Variants in RUSC2 observed in about 807,000 individuals in gnomAD.
The protein encoded by RUSC2 is AP-4 complex accessory subunit RUSC2.
Under a neutral mutation model 122.2 loss-of-function variants are expected in RUSC2, and 34 were observed. The ratio of observed to expected loss-of-function variants is 0.28; its 90% CI spans 0.21 to 0.37. The LOEUF is 0.37. Among genes scored for constraint, RUSC2 ranks in the 10% least tolerant of loss-of-function variants. The pLI is 1.00. For synonymous variants in RUSC2, 784 were observed against 790.0 expected (o/e 0.99, Z 0.13); for missense variants, 1,747 against 1,952.4 (o/e 0.89, Z 1.98).
In RUSC2 at chr9:35,558,749, C is replaced by T. The variant is rs1822079375; in HGVS notation, c.3341+182C>T. Among the ~76,000 whole-genome samples, 1 of 152,260 alleles carries T rather than the reference C, an allele frequency of 6.6e-6. No individual in the cohort carries two copies. The highest frequency in any genetic ancestry group is 2.4e-5 in the African/African-American group (1 of 41,464). On this transcript the variant is annotated intron_variant, in intron 8 of 11. Coordinates refer to ENST00000361226, the MANE Select transcript of RUSC2 (RefSeq NM_014806.5). This position sits in a 1 kb window ranked among gnomAD's most constrained non-coding sequence, Gnocchi z 4.3. ...CCCCACTGTGCCCATGACTCTGTCA[C>T]TGGTCACCAACGTGGTCTGCTTTTA...
chr9:35,527,099 CAACTTT>C (rs1821338805), intron 1 of RUSC2, among the ~76,000 whole-genome samples: 1 of 151,506 alleles, frequency 6.6e-6, no homozygotes, highest in Admixed American at 6.6e-5. Flanking sequence ...TTTCTCACTT[CAACTTT>C]GTCTTTTCTG....
At chr9:35,510,339 C>T (rs1406482702) in intron 1 of RUSC2, among the ~76,000 whole-genome samples, 1 of 152,116 alleles carries the variant, frequency 6.6e-6, no homozygotes, top group East Asian at 1.9e-4. Context: ...TAGTGAGACC[C>T]CGTCTCTACA....
In RUSC2 at chr9:35,555,179, G is replaced by T; in HGVS notation, c.2134G>T (p.Ala712Ser). 8 of 1,613,530 alleles carry T rather than the reference G, an allele frequency of 5.0e-6. No homozygotes were observed. The highest frequency in any genetic ancestry group is 6.8e-6 in the Non-Finnish European group (8 of 1,180,014). ...HFPKQLAKAR[A>S]LHSLSQLYSL... is the part of the protein sequence containing the mutation. Reference sequence around the variant, plus strand: ...CCCCAAGCAGCTGGCCAAGGCCCGGGCCCTCCACAGCCTTTCCCAGCTCTA... The same window carrying T: ...CCCCAAGCAGCTGGCCAAGGCCCGGTCCCTCCACAGCCTTTCCCAGCTCTA... The change falls in exon 3 of 12, where the codon GCC (alanine) becomes TCC (serine). Residue 712 changes from alanine to serine, a missense_variant. Ala to Ser is a moderately conservative substitution (Grantham distance 99). Coordinates refer to ENST00000361226, the MANE Select transcript of RUSC2 (RefSeq NM_014806.5). The surrounding 1 kb of genome is among the most constrained non-coding windows in gnomAD (Gnocchi z 4.6).
Position 35,547,362 on chromosome 9 carries a change from C to A in RUSC2, c.841C>A (p.Leu281Met), listed in dbSNP as rs755916660. Reference sequence around the variant, plus strand: ...CTCCTGCAACAGTTCAGATGGTGTGCTGGTCACCTTCAGCACCCTCTACAA... The same window carrying A: ...CTCCTGCAACAGTTCAGATGGTGTGATGGTCACCTTCAGCACCCTCTACAA... ...DSSCNSSDGV[L>M]VTFSTLYNKM... Residue 281 changes from leucine (L) to methionine (M), a missense_variant, in exon 2 of 12, where the codon CTG becomes ATG. Physicochemically the swap from Leu to Met is conservative, Grantham distance 15. Transcript: ENST00000361226. The surrounding 1 kb of genome is among the most constrained non-coding windows in gnomAD (Gnocchi z 4.6). 7 of 1,614,074 alleles carry A rather than the reference C, an allele frequency of 4.3e-6. No homozygotes were observed. In the African/African-American group the frequency reaches 9.3e-5, roughly 22 times the overall value.
At chr9:35,554,952 C>A in intron 2 of RUSC2, 108 bp from the exon 3 acceptor site, 1 of 1,311,124 alleles carries the variant, frequency 7.6e-7, no homozygotes, top group Non-Finnish European at 1.1e-6. Flanking sequence ...TCAATTCCTG[C>A]CAGCCAGGTC....
rs138218499 is a variant in RUSC2 at position 35,525,692 on chromosome 9, G to A, written c.-92-20738G>A. ...CACACTCCTGCAGTCGCAGCTACTC[G>A]GGAGGTTGAGGCAGGAGAATTGCTT... On this transcript the variant is annotated intron_variant, in intron 1 of 11. Transcript: ENST00000361226. 7.5e-3 allele frequency among the ~76,000 whole-genome samples: 1,145 copies of A among 152,158 alleles called. 10 individuals carry two copies. Among genetic ancestry groups the A allele is most frequent in the Non-Finnish European group, 0.013 (886 of 68,002 alleles).
rs1198058942 is a variant in RUSC2 at position 35,539,577 on chromosome 9, ATG to A, written c.-92-6852_-92-6851del. 1.3e-3 allele frequency among the ~76,000 whole-genome samples: 61 copies of A among 45,656 alleles called. No individual in the cohort carries two copies. In the South Asian group the frequency reaches 0.017, roughly 12 times the overall value. 30.0% of individuals were successfully genotyped at this position (45,656 alleles called of 152,430 possible). On this transcript the variant is annotated intron_variant, in intron 1 of 11. Coordinates refer to ENST00000361226, the MANE Select transcript of RUSC2 (RefSeq NM_014806.5). ...CACACACACATACATACATACATGC[ATG>A]CATGCATGCACATAGCTATACATGC...
At chr9:35,552,761 G>A (rs961012487) in intron 2 of RUSC2, among the ~76,000 whole-genome samples, 3 of 152,166 alleles carry the variant, frequency 2.0e-5, no homozygotes, top group East Asian at 1.9e-4. Context: ...AAACTGACTC[G>A]GGTGAATACG....
chr9:35,504,836 C>T (rs2132498636), intron 1 of RUSC2, among the ~76,000 whole-genome samples: 1 of 152,168 alleles, frequency 6.6e-6, no homozygotes, highest in Admixed American at 6.5e-5. Flanking sequence ...TATTAGTTAT[C>T]AAAAATAGTT....
rs1399325275 is a variant in RUSC2 at position 35,550,620 on chromosome 9, T to G, written c.2014+2085T>G. On this transcript the variant is annotated intron_variant, in intron 2 of 11. Coordinates refer to ENST00000361226, the MANE Select transcript of RUSC2 (RefSeq NM_014806.5). Reference sequence around the variant, plus strand: ...CAGCTTGGGAAACAGAGTGAGACTCTGTCTCAAAAATAAAAAACAAAAGTG... The same window carrying G: ...CAGCTTGGGAAACAGAGTGAGACTCGGTCTCAAAAATAAAAAACAAAAGTG... Among the ~76,000 whole-genome samples the G allele has an allele frequency of 4.0e-5, 6 of 150,678 alleles. No individual in the cohort carries two copies. The East Asian group carries it at 7.9e-4, about 20-fold the overall frequency.
chr9:35,547,281 A>C lies in RUSC2; in HGVS notation c.760A>C (p.Ser254Arg). 6.2e-7 allele frequency: 1 copy of C among 1,614,180 alleles called. No individual in the cohort carries two copies. Among genetic ancestry groups the C allele is most frequent in the Non-Finnish European group, 8.5e-7 (1 of 1,180,026 alleles). ...GSGDQHCRCS[S>R]TSSQSEAADQ... Reference sequence around the variant, plus strand: ...AGGGGACCAGCACTGCCGCTGCAGTAGCACATCCAGTCAGTCCGAGGCAGC... The same window carrying C: ...AGGGGACCAGCACTGCCGCTGCAGTCGCACATCCAGTCAGTCCGAGGCAGC... Residue 254 changes from serine (S) to arginine (R), a missense_variant, in exon 2 of 12, where the codon AGC (serine) becomes CGC (arginine). Physicochemically the swap from Ser to Arg is moderately radical, Grantham distance 110. Coordinates refer to ENST00000361226, the MANE Select transcript of RUSC2 (RefSeq NM_014806.5). The surrounding 1 kb of genome is among the most constrained non-coding windows in gnomAD (Gnocchi z 4.6).
intron 1 of RUSC2, among the ~76,000 whole-genome samples, chr9:35,533,270 G>T (rs1821458702): frequency 6.7e-6 from 1 of 149,276 alleles, no homozygotes; most frequent in African/African-American, 2.5e-5. Flanking sequence ...AGAAGAATTT[G>T]GTGTTGAAAA....
chr9:35,561,118 G>A (rs1421120096), intron 11 of RUSC2, 21 bp downstream of exon 11: 2 of 1,613,464 alleles, frequency 1.2e-6, no homozygotes, highest in Non-Finnish European at 1.7e-6. Context: ...GGAAACGGAA[G>A]GGCTGAGGGG....
intron 9 of RUSC2, 44 bp from the exon 10 acceptor site, chr9:35,559,985 C>T (rs752272087): frequency 3.0e-5 from 45 of 1,501,842 alleles, no homozygotes; most frequent in Non-Finnish European, 4.0e-5. Flanking sequence ...TTGGGCCAGG[C>T]TCTGGTTCTC....
chr9:35,520,047 A>G (rs1287727597), intron 1 of RUSC2, among the ~76,000 whole-genome samples: 2 of 152,220 alleles, frequency 1.3e-5, no homozygotes, highest in African/African-American at 2.4e-5. Flanking sequence ...GGCTTAAGTA[A>G]ACAAAAATAT....
At chr9:35,551,280 GCTGTGCTGTAGCCTTAGGTTGGGT>G (rs1821888938) in intron 2 of RUSC2, among the ~76,000 whole-genome samples, 1 of 152,212 alleles carries the variant, frequency 6.6e-6, no homozygotes. Context: ...GAGGCTCACA[GCTGTGCTGTAGCCTTAGGTTGGGT>G]CTGTTGGCTT....
chr9:35,524,958 G>A (rs1053550288), intron 1 of RUSC2, among the ~76,000 whole-genome samples: 15 of 149,584 alleles, frequency 1.0e-4, no homozygotes, highest in Admixed American at 2.0e-4. Flanking sequence ...GGGACAGAGC[G>A]AGACTCCATC....
rs1401106450 is a variant in RUSC2, at chr9:35,546,908, G to A, written c.387G>A (p.Gln129=). The A allele has an allele frequency of 6.3e-7, 1 of 1,579,926 alleles. No homozygotes were observed. The highest frequency in any genetic ancestry group is 8.6e-7 in the Non-Finnish European group (1 of 1,163,176). ...DDSIGDSATQ[Q]SFHLHGTGQP... is the part of the protein sequence containing the mutation. ...GCATTGGTGACAGTGCCACCCAGCA[G>A]TCCTTCCACCTGCATGGCACTGGCC... is the stretch of plus-strand genomic sequence containing the variant. Residue 129 remains glutamine, a synonymous_variant, in exon 2 of 12, where the codon CAG becomes CAA. Coordinates refer to ENST00000361226, the MANE Select transcript of RUSC2 (RefSeq NM_014806.5). This position sits in a 1 kb window ranked among gnomAD's most constrained non-coding sequence, Gnocchi z 4.3.
At position 35,556,447 on chromosome 9, in the gene RUSC2, A is replaced by G; in HGVS notation, c.2982A>G (p.Lys994=). 3.1e-6 allele frequency: 5 copies of G among 1,613,706 alleles called. No homozygotes were observed. The highest frequency in any genetic ancestry group is 4.2e-6 in the Non-Finnish European group (5 of 1,179,830). The part of the protein sequence containing the change: ...EAISIDLLQK[K]GLVKAVNIAV... ...TTTCCATTGACCTGCTTCAGAAAAA[A>G]GGTGCATACAACCCCCAGCTCAGGC... is the stretch of plus-strand genomic sequence containing the variant. Residue 994 remains lysine (K), a splice_region_variant and synonymous_variant, in exon 5 of 12, where the codon AAA becomes AAG. Coordinates refer to ENST00000361226, the MANE Select transcript of RUSC2 (RefSeq NM_014806.5).
Sources: allele counts gnomAD v4.1 joint callset (sites outside exome capture counted in the v4.1 genomes callset), GRCh38; gene constraint gnomAD v4.1.1; non-coding constraint Gnocchi (gnomAD v3.1); transcripts MANE v1.5; gene names NCBI Gene and HGNC (gene_info 2026-07-23, HGNC 2026-07-21).